The following MUC4 variants were observed in gnomAD, a reference collection of about 807,000 sequenced individuals.
MUC4 encodes mucin 4, cell surface associated.
In MUC4, 202 loss-of-function variants were observed where a neutral mutation model predicts 257.9. The ratio of observed to expected loss-of-function variants is 0.78; its 90% CI spans 0.70 to 0.88. The LOEUF (loss-of-function observed/expected upper bound fraction) is 0.88. Ranked by LOEUF, MUC4 falls within the 40% of genes least tolerant of loss-of-function variation. The probability of loss-of-function intolerance (pLI) is 0.00; values close to 1 mark genes in which losing one functional copy is unlikely to be tolerated. For synonymous variants in MUC4, 2,351 were observed against 2,757.1 expected, an observed-to-expected ratio of 0.85 and a Z score of 4.62; for missense variants, 5,976 against 6,513.7, an observed-to-expected ratio of 0.92 and a Z score of 2.84.
chr3:195,801,123 A>C (rs77281383), intron 1 of MUC4, among the ~76,000 whole-genome samples: 177 of 152,334 alleles, frequency 1.2e-3, no homozygotes, highest in East Asian at 8.7e-3. Flanking sequence ...ATTCTAAAAA[A>C]TACTCATAGC....
At chr3:195,776,511 C>A in intron 3 of MUC4, among the ~76,000 whole-genome samples, 1 of 23,452 alleles carries the variant, frequency 4.3e-5, no homozygotes, top group Non-Finnish European at 7.5e-5. Context: ...ACACCCATAC[C>A]TTCCACACCC....
At position 195,752,428 on chromosome 3, in the gene MUC4, A is replaced by G; in HGVS notation, c.15527T>C (p.Ile5176Thr). 6.2e-7 allele frequency: 1 copy of G among 1,614,028 alleles called. No individual in the cohort carries two copies. Among genetic ancestry groups the G allele is most frequent in the Non-Finnish European group, 8.5e-7 (1 of 1,179,824 alleles). Residue 5176 changes from isoleucine (I) to threonine (T), a missense_variant, in exon 21 of 25, where the codon ATC becomes ACC. By Grantham distance (89) the Ile-to-Thr change is moderately conservative (BLOSUM62 -1). This residue lies in a region of MUC4 where 996 missense variants were observed against 1,137.3 expected (regional missense o/e 0.88). Transcript: ENST00000463781. ...TTCCTCTTCACTGAGCAAGAGCTGG[A>G]TGACTCTTAAGGGAAGTTCTGGAGA... ...TVNLELPLRV[I>T]QLLLSEEENA...
chr3:195,791,509 CA>C lies in MUC4; in HGVS notation c.83-13del. The C allele has an allele frequency of 6.4e-7, 1 of 1,558,838 alleles. No individual in the cohort carries two copies. Among genetic ancestry groups the C allele is most frequent in the Non-Finnish European group, 8.8e-7 (1 of 1,132,738 alleles). ...GTCCTCTGTGGTTCCTGGAGTGAACCAAAATAGGCAAGCAGAGAGCTAAATC... is the reference window on the plus strand; with the variant it reads ...GTCCTCTGTGGTTCCTGGAGTGAACCAAATAGGCAAGCAGAGAGCTAAATC... On this transcript the variant is annotated splice_polypyrimidine_tract_variant and intron_variant, in intron 1 of 24. Coordinates refer to ENST00000463781, the MANE Select transcript of MUC4 (RefSeq NM_018406.7).
In MUC4 at chr3:195,810,688, C is replaced by T. The variant is rs555362423; in HGVS notation, c.82+1048G>A. ...CCCTGGCCGCCTCCTCCGCACCACC[C>T]TCCCGGCCGGCCTGCCCCTCTCCTC... On this transcript the variant is annotated intron_variant, in intron 1 of 24. Transcript: ENST00000463781. The surrounding 1 kb of genome is among the most constrained non-coding windows in gnomAD (Gnocchi z 4.2). Among the ~76,000 whole-genome samples the T allele has an allele frequency of 3.7e-4, 56 of 152,300 alleles. No homozygotes were observed. The highest frequency in any genetic ancestry group is 1.3e-3 in the African/African-American group (53 of 41,566).
In MUC4 at chr3:195,782,007, G is replaced by C; in HGVS notation, c.9573C>G (p.Ser3191=). Reference sequence around the variant, plus strand: ...GAGTGGCGTGACCTGTGGATGCTGAGGAAGGGCTAGTGACAGGAAGAGGCG... The same window carrying C: ...GAGTGGCGTGACCTGTGGATGCTGACGAAGGGCTAGTGACAGGAAGAGGCG... ...DTTPLPVTSP[S]SASTGHATPL... Residue 3191 remains serine (S), a synonymous_variant, in exon 2 of 25, where the codon TCC becomes TCG. Transcript: ENST00000463781. The C allele has an allele frequency of 2.6e-6, 4 of 1,513,982 alleles. No homozygotes were observed. In the East Asian group the frequency reaches 8.0e-5, roughly 30 times the overall value. 93.8% of individuals were successfully genotyped at this position (1,513,982 alleles called of 1,614,324 possible).
Position 195,789,551 on chromosome 3 carries a change from A to G in MUC4, c.2029T>C (p.Ser677Pro). ...TCCTGAGGAACAATTTCTGAGGGCG[A>G]GTGCCCACTGGCTGTGAAGGAAGAA... ...PGSSFTASGH[S>P]PSEIVPQDAP... The change falls in exon 2 of 25, where the codon TCG becomes CCG. Residue 677 changes from serine (S) to proline (P), a missense_variant. Physicochemically the swap from Ser to Pro is moderately conservative, Grantham distance 74. Around this residue, in one of 44 missense-constraint regions of MUC4, gnomAD observed 1,583 missense variants for 1,257.4 expected, o/e 1.26. Transcript: ENST00000463781. 6.2e-7 allele frequency: 1 copy of G among 1,613,092 alleles called. No individual in the cohort carries two copies. The highest frequency in any genetic ancestry group is 8.5e-7 in the Non-Finnish European group (1 of 1,179,666).
rs766263071 is a variant in MUC4 at position 195,747,150 on chromosome 3, A to C, written c.*26T>G. 3.7e-6 allele frequency: 6 copies of C among 1,613,796 alleles called. No individual in the cohort carries two copies. The South Asian group carries it at 6.6e-5, about 18-fold the overall frequency. ...TGCGGTAAGGATGAGGTGAGTCTTGAGGTAGCCTAGGCCACAGCTGCCCCT... is the reference window on the plus strand; with the variant it reads ...TGCGGTAAGGATGAGGTGAGTCTTGCGGTAGCCTAGGCCACAGCTGCCCCT... On this transcript the variant is annotated 3_prime_UTR_variant, in exon 25 of 25. Coordinates refer to ENST00000463781, the MANE Select transcript of MUC4 (RefSeq NM_018406.7).
intron 13 of MUC4, 61 bp from the exon 14 acceptor site, chr3:195,762,315 C>T: frequency 2.0e-6 from 3 of 1,490,388 alleles, no homozygotes; most frequent in Non-Finnish European, 2.7e-6. Flanking sequence ...GCACCAAACC[C>T]GCGCCCTGCC....
intron 1 of MUC4, among the ~76,000 whole-genome samples, chr3:195,804,140 A>G (rs1735688961): frequency 6.6e-6 from 1 of 152,178 alleles, no homozygotes; most frequent in Non-Finnish European, 1.5e-5. Flanking sequence ...TGGCGTTGGC[A>G]CTGAGGTAGA....
rs930159506 is a variant in MUC4 at position 195,757,947 on chromosome 3, G to A, written c.14987-619C>T. Among the ~76,000 whole-genome samples the A allele has an allele frequency of 2.0e-4, 31 of 152,216 alleles. No homozygotes were observed. The highest frequency in any genetic ancestry group is 5.9e-5 in the Non-Finnish European group (4 of 68,032). On this transcript the variant is annotated intron_variant, in intron 17 of 24. Transcript: ENST00000463781. The surrounding 1 kb of genome is among the most constrained non-coding windows in gnomAD (Gnocchi z 4.8). ...ATCGTCCTTCAGGGGTGGGGCCCGT[G>A]GAGAAGAAAACCTCTCAGTGCCATT... is the stretch of plus-strand genomic sequence containing the variant.
In MUC4 at chr3:195,757,129, C is replaced by T. The variant is rs1717829079; in HGVS notation, c.15168+18G>A. ...TCCCCTCGGCACAGAAACTCCTCCC[C>T]CACCTCCCAACACTCACCTCCAGGG... is the stretch of plus-strand genomic sequence containing the variant. On this transcript the variant is annotated intron_variant, in intron 18 of 24. Transcript: ENST00000463781. The surrounding 1 kb of genome is among the most constrained non-coding windows in gnomAD (Gnocchi z 4.8). 6.3e-7 allele frequency: 1 copy of T among 1,580,462 alleles called. No individual in the cohort carries two copies. The highest frequency in any genetic ancestry group is 8.7e-7 in the Non-Finnish European group (1 of 1,154,742).
At chr3:195,767,823 C>A (rs1014161308) in intron 7 of MUC4, among the ~76,000 whole-genome samples, 1 of 98,626 alleles carries the variant, frequency 1.0e-5, no homozygotes, top group African/African-American at 5.1e-5. Context: ...ATCACCACCA[C>A]CACCACCATC....
Position 195,765,424 on chromosome 3 carries a change from C to T in MUC4, c.13644G>A (p.Arg4548=), listed in dbSNP as rs113773691. The T allele has an allele frequency of 6.8e-5, 109 of 1,613,266 alleles. 1 individual carries two copies. In the African/African-American group the frequency reaches 1.1e-3, roughly 17 times the overall value. Reference sequence around the variant, plus strand: ...AGTTGGGCCTTTCTTCCCGGTGTAGCCTGTAGAACTGCAGCCCTTGGAGGC... The same window carrying T: ...AGTTGGGCCTTTCTTCCCGGTGTAGTCTGTAGAACTGCAGCCCTTGGAGGC... ...NSGLQGLQFY[R]LHREERPNYR... is the part of the protein sequence containing the mutation. Residue 4548 remains arginine, a synonymous_variant, in exon 9 of 25, where the codon AGG becomes AGA. Coordinates refer to ENST00000463781, the MANE Select transcript of MUC4 (RefSeq NM_018406.7).
chr3:195,805,725 G>C (rs1735904384), intron 1 of MUC4, among the ~76,000 whole-genome samples: 1 of 151,478 alleles, frequency 6.6e-6, no homozygotes, highest in South Asian at 2.1e-4. Flanking sequence ...TCAAACTCCT[G>C]ACCTCAAGTG....
chr3:195,779,963 G>A lies in MUC4; in HGVS notation c.11617C>T (p.Leu3873Phe). 6.9e-7 allele frequency: 1 copy of A among 1,448,602 alleles called. No homozygotes were observed. Among genetic ancestry groups the A allele is most frequent in the Non-Finnish European group, 9.2e-7 (1 of 1,091,700 alleles). The allele number at this position is 1,448,602 out of a possible 1,614,324, so 89.7% of individuals were successfully genotyped here. ...GCTGAGGAAAGGCCGGTAACAGGAA[G>A]AGGGGTGGCGTGACCTGTGGATGCT... is the stretch of plus-strand genomic sequence containing the variant. ...SSASTGHATP[L>F]PVTGLSSAST... is the part of the protein sequence containing the mutation. Residue 3873 changes from leucine (L) to phenylalanine (F), a missense_variant, in exon 2 of 25, where the codon CTT (leucine) becomes TTT (phenylalanine). By Grantham distance (22) the Leu-to-Phe change is conservative. Transcript: ENST00000463781.
At chr3:195,752,020 G>A (rs1201149415) in intron 21 of MUC4, 2 of 314,500 alleles carry the variant, frequency 6.4e-6, no homozygotes, top group East Asian at 5.3e-5. Flanking sequence ...TGTGACTGAG[G>A]TATGGCATGG....
rs1715172806 is a variant in MUC4 at position 195,747,073 on chromosome 3, C to T, written c.*103G>A. On this transcript the variant is annotated 3_prime_UTR_variant, in exon 25 of 25. Transcript: ENST00000463781. Reference sequence around the variant, plus strand: ...ATTCTCCTTGAAGAATCCTGACAGCCTTCAGTCACCTTCCCTTTTCCAGTC... The same window carrying T: ...ATTCTCCTTGAAGAATCCTGACAGCTTTCAGTCACCTTCCCTTTTCCAGTC... 3.4e-6 allele frequency: 5 copies of T among 1,453,326 alleles called. No homozygotes were observed. Among genetic ancestry groups the T allele is most frequent in the Non-Finnish European group, 4.8e-6 (5 of 1,045,342 alleles). The allele number at this position is 1,453,326 out of a possible 1,614,324, so 90.0% of individuals were successfully genotyped here.
rs1238036366 is a variant in MUC4 at position 195,761,014 on chromosome 3, A to G, written c.14718T>C (p.Ala4906=). The G allele has an allele frequency of 1.2e-6, 2 of 1,614,096 alleles. No homozygotes were observed. Among genetic ancestry groups the G allele is most frequent in the East Asian group, 2.2e-5 (1 of 44,896 alleles). The part of the protein sequence containing the change: ...YSQLQKNSSW[A]EHLISNCDGD... Reference sequence around the variant, plus strand: ...CGTCACAGTTGGAGATCAAATGTTCAGCCCAGGAGCTGTTTTTTTGCAGTT... The same window carrying G: ...CGTCACAGTTGGAGATCAAATGTTCGGCCCAGGAGCTGTTTTTTTGCAGTT... The change falls in exon 16 of 25, where the codon GCT becomes GCC. Residue 4906 remains alanine, a synonymous_variant. Transcript: ENST00000463781.
Position 195,811,749 on chromosome 3 carries a change from CGGAA to C in MUC4, c.65_68del (p.Leu22ArgfsTer12). On this transcript the variant is annotated frameshift_variant, in exon 1 of 25. Transcript: ENST00000463781. LOFTEE classifies it high-confidence loss of function. ...TCCATCACTTACCTGGGACCACATG[CGGAA>C]GGAGGCAGAGACACAGGCAGCTCAG... 6.2e-7 allele frequency: 1 copy of C among 1,614,002 alleles called. No homozygotes were observed. The highest frequency in any genetic ancestry group is 1.6e-4 in the Middle Eastern group (1 of 6,062).
Sources: allele counts gnomAD v4.1 joint callset (sites outside exome capture counted in the v4.1 genomes callset), GRCh38; gene constraint gnomAD v4.1.1; regional missense constraint gnomAD v4.1.1; non-coding constraint Gnocchi (gnomAD v3.1); transcripts MANE v1.5; gene names NCBI Gene and HGNC (gene_info 2026-07-23, HGNC 2026-07-21).